Variants in KNG1 observed in about 807,000 individuals in gnomAD.
KNG1 encodes kininogen 1.
KNG1 carries 23 observed loss-of-function variants against 47.8 expected under a neutral mutation model. The ratio of observed to expected loss-of-function variants is 0.48; its 90% CI spans 0.35 to 0.68. The LOEUF is 0.68. KNG1 is among the 30% of genes least tolerant of loss of function. The pLI is 0.01. For missense variants in KNG1, 762 were observed against 790.2 expected (o/e 0.96, Z 0.43); for synonymous variants, 277 against 277.0 (o/e 1.00, Z 0.00).
intron 4 of KNG1, 81 bp downstream of exon 4, chr3:186,725,341 C>T: frequency 1.4e-6 from 2 of 1,389,672 alleles, no homozygotes; most frequent in Non-Finnish European, 2.0e-6. Context: ...GATTGCATGG[C>T]TGGTGGTGTT....
In KNG1 at chr3:186,722,462, TG is replaced by T. The variant is rs1474392297; in HGVS notation, c.336del (p.Lys113ArgfsTer24). On this transcript the variant is annotated frameshift_variant, in exon 3 of 10. Transcript: ENST00000644859. LOFTEE classifies it high-confidence loss of function. Reference sequence around the variant, plus strand: ...GCCACTGGAGAATGCACGGCAACCGTGGGGAAGAGGAGCAGTACGAAATTCT... The same window carrying T: ...GCCACTGGAGAATGCACGGCAACCGTGGGAAGAGGAGCAGTACGAAATTCT... ...KAATGECTATVGKRSSTKFSV... is the reference protein window; with the variant it reads ...KAATGECTATXGKRSSTKFSV... 1 of 1,613,818 alleles carries T rather than the reference TG, an allele frequency of 6.2e-7. No homozygotes were observed. Among genetic ancestry groups the T allele is most frequent in the African/African-American group, 1.3e-5 (1 of 74,922 alleles).
At chr3:186,717,884 ACCACCACCACCAC>A (rs1720039452) in intron 1 of KNG1, 147 bp downstream of exon 1, 19 of 188,492 alleles carry the variant, frequency 1.0e-4, no homozygotes, top group Non-Finnish European at 1.7e-4. Flanking sequence ...CACCACCACA[ACCACCACCACCAC>A]CCACCACCAC....
chr3:186,725,615 G>A (rs1560063523), intron 4 of KNG1, among the ~76,000 whole-genome samples: 1 of 142,702 alleles, frequency 7.0e-6, no homozygotes, highest in Non-Finnish European at 1.5e-5. Flanking sequence ...CGCGATCTCG[G>A]CTCACTGCAA....
At chr3:186,735,432 A>C (rs1221276628) in intron 7 of KNG1, among the ~76,000 whole-genome samples, 1 of 152,174 alleles carries the variant, frequency 6.6e-6, no homozygotes, top group Admixed American at 6.5e-5. Flanking sequence ...AGCCTGACCA[A>C]CATGGTGAAA....
Position 186,717,720 on chromosome 3 carries a change from A to G in KNG1, c.178A>G (p.Thr60Ala), listed in dbSNP as rs1720024655. The G allele has an allele frequency of 1.2e-6, 2 of 1,612,432 alleles. No homozygotes were observed. The highest frequency in any genetic ancestry group is 1.7e-6 in the Non-Finnish European group (2 of 1,179,480). ...CAACCAGTTTGTATTGTACCGCATA[A>G]CTGAAGCCACTAAGACGGTGAGTGA... is the stretch of plus-strand genomic sequence containing the variant. ...SNNQFVLYRI[T>A]EATKTVGSDT... Residue 60 changes from threonine (T) to alanine (A), a missense_variant, in exon 1 of 10, where the codon ACT becomes GCT. Coordinates refer to ENST00000644859, the MANE Select transcript of KNG1 (RefSeq NM_001102416.3).
At position 186,743,742 on chromosome 3, in the gene KNG1, C is replaced by A; in HGVS notation, c.*1411C>A. 1.2e-6 allele frequency: 2 copies of A among 1,614,146 alleles called. No individual in the cohort carries two copies. Among genetic ancestry groups the A allele is most frequent in the Non-Finnish European group, 1.7e-6 (2 of 1,180,004 alleles). On this transcript the variant is annotated 3_prime_UTR_variant, in exon 10 of 10. Transcript: ENST00000644859. Reference sequence around the variant, plus strand: ...TCCTGCGAGTACAAGGGTCGACCCCCAAAGGCAGGGGCAGAGCCAGCATCT... The same window carrying A: ...TCCTGCGAGTACAAGGGTCGACCCCAAAAGGCAGGGGCAGAGCCAGCATCT...
intron 1 of KNG1, 63 bp downstream of exon 1, chr3:186,717,800 CCTCACACA>C: frequency 8.9e-7 from 1 of 1,117,542 alleles, no homozygotes; most frequent in Non-Finnish European, 1.3e-6. Context: ...GGAGTCCAGG[CCTCACACA>C]CACACACACA....
rs1001380292 is a variant in KNG1, at chr3:186,740,012, C to T, written c.1125+598C>T. 2.0e-5 allele frequency among the ~76,000 whole-genome samples: 3 copies of T among 151,584 alleles called. No individual in the cohort carries two copies. The East Asian group carries it at 5.8e-4, about 29-fold the overall frequency. ...GCAGTGAGCCGAGATCCTGCCACTG[C>T]ACTCCAGCCTGGGCAACAAAGAGCG... On this transcript the variant is annotated intron_variant, in intron 9 of 9. Transcript: ENST00000644859.
At chr3:186,725,065 G>T (rs1560063025) in intron 3 of KNG1, 23 bp from the exon 4 acceptor site, 5 of 1,613,454 alleles carry the variant, frequency 3.1e-6, no homozygotes, top group Non-Finnish European at 3.4e-6. Flanking sequence ...TTAATGCTGT[G>T]TTTTTGTCTG....
chr3:186,727,187 C>A, intron 4 of KNG1, 50 bp from the exon 5 acceptor site: 1 of 1,223,292 alleles, frequency 8.2e-7, no homozygotes, highest in Non-Finnish European at 1.2e-6. Flanking sequence ...TATCCCACAG[C>A]GAATAATGTT....
In KNG1 at chr3:186,732,541, G is replaced by A; in HGVS notation, c.797G>A (p.Gly266Asp). Residue 266 changes from glycine (G) to aspartate (D), a missense_variant, in exon 7 of 10, where the codon GGC becomes GAC. Coordinates refer to ENST00000644859, the MANE Select transcript of KNG1 (RefSeq NM_001102416.3). ...FVQPPTKICV[G>D]CPRDIPTNSP... ...CAACCACCTACCAAGATTTGCGTGG[G>A]CTGCCCCAGAGATATACCCACCAAC... 6.2e-7 allele frequency: 1 copy of A among 1,614,136 alleles called. No individual in the cohort carries two copies. The highest frequency in any genetic ancestry group is 1.1e-5 in the South Asian group (1 of 91,076).
intron 9 of KNG1, among the ~76,000 whole-genome samples, chr3:186,741,205 G>C (rs1257675108): frequency 6.6e-6 from 1 of 152,054 alleles, no homozygotes; most frequent in African/African-American, 2.4e-5. Flanking sequence ...TGTTGGCCAG[G>C]CTGGTCTCAA....
At chr3:186,730,955 T>C (rs1720515886) in intron 5 of KNG1, among the ~76,000 whole-genome samples, 1 of 151,078 alleles carries the variant, frequency 6.6e-6, no homozygotes, top group Non-Finnish European at 1.5e-5. Context: ...TTTCCCACCA[T>C]ATTATTTCTA....
At chr3:186,722,118 A>AAAAAAAAAAAAAAAAAAATAAG (rs1720218674) in intron 2 of KNG1, 1 of 10,840 alleles carries the variant, frequency 9.2e-5, no homozygotes, top group Non-Finnish European at 1.8e-4. Context: ...ACTCTGTCTC[A>AAAAAAAAAAAAAAAAAAATAAG]AAAAAAAAAA....
At chr3:186,721,855 C>T (rs1005744832) in intron 2 of KNG1, 1 of 157,828 alleles carries the variant, frequency 6.3e-6, no homozygotes. Flanking sequence ...GTGGCTCACA[C>T]CTGTAATCGT....
chr3:186,733,417 C>A (rs149659010), intron 7 of KNG1, among the ~76,000 whole-genome samples: 4 of 152,258 alleles, frequency 2.6e-5, no homozygotes, highest in African/African-American at 7.2e-5. Flanking sequence ...TGCCAAGGCT[C>A]CACGCTTTCT....
rs1720147108 is a variant in KNG1, at chr3:186,720,194, G to A, written c.285G>A (p.Glu95=). 2.5e-6 allele frequency: 4 copies of A among 1,611,322 alleles called. No homozygotes were observed. The highest frequency in any genetic ancestry group is 3.4e-6 in the Non-Finnish European group (4 of 1,177,480). ...VQSGKTWQDC[E]YKDAAKAATG... ...GTGGCAAAACCTGGCAGGACTGTGA[G>A]TACAAGGATGCTGCAAAAGCAGTAA... The change falls in exon 2 of 10, where the codon GAG becomes GAA. Residue 95 remains glutamate (E), a synonymous_variant. Coordinates refer to ENST00000644859, the MANE Select transcript of KNG1 (RefSeq NM_001102416.3).
chr3:186,721,384 T>C (rs1621816), intron 2 of KNG1: 48,502 of 152,142 alleles, frequency 0.32, 8,188 homozygotes, highest in South Asian at 0.48. Context: ...CCTGATGGAA[T>C]AGTATCTGTC....
chr3:186,727,302 T>G lies in KNG1; in HGVS notation c.630T>G (p.Asn210Lys), dbSNP rs1287932878. ...TGCAAACGAATTGTTCCAAAGAGAA[T>G]TTTCTGTTCTTAACTCCAGACTGCA... ...SIVQTNCSKE[N>K]FLFLTPDCKS... Residue 210 changes from asparagine to lysine, a missense_variant, in exon 5 of 10, where the codon AAT becomes AAG. Transcript: ENST00000644859. 6.2e-7 allele frequency: 1 copy of G among 1,613,796 alleles called. No homozygotes were observed. Among genetic ancestry groups the G allele is most frequent in the Non-Finnish European group, 8.5e-7 (1 of 1,179,796 alleles).
Sources: gnomAD v4.1 joint callset for allele counts (sites outside exome capture counted in the v4.1 genomes callset) on GRCh38, gnomAD v4.1.1 for gene constraint, MANE v1.5 for transcripts, NCBI Gene and HGNC (gene_info 2026-07-23, HGNC 2026-07-21) for gene names.